SEMA5B: variants seen among roughly 807,000 people sequenced by gnomAD.
The protein encoded by SEMA5B is semaphorin 5B, also known as semaphorin-5B.
In SEMA5B, 66 loss-of-function variants were observed where a neutral mutation model predicts 135.0. That is an observed-to-expected ratio of 0.49 (90% CI 0.40 to 0.60). The LOEUF (loss-of-function observed/expected upper bound fraction) is 0.60, where lower values mean the gene tolerates loss of function less well. Ranked by LOEUF, SEMA5B falls within the 20% of genes least tolerant of loss-of-function variation. The probability of loss-of-function intolerance (pLI) is 0.00; values close to 1 mark genes in which losing one functional copy is unlikely to be tolerated. For synonymous variants in SEMA5B, 690 were observed against 639.5 expected (o/e 1.08, Z -1.19); for missense variants, 1,501 against 1,566.3 (o/e 0.96, Z 0.70).
intron 5 of SEMA5B, among the ~76,000 whole-genome samples, chr3:122,932,148 A>AATT (rs1270215969): frequency 1.3e-5 from 2 of 151,300 alleles, no homozygotes. Context: ...TGGACTGAAT[A>AATT]ATTGTCTTGA....
intron 1 of SEMA5B, among the ~76,000 whole-genome samples, chr3:123,010,940 C>T (rs1470606072): frequency 1.3e-5 from 2 of 151,974 alleles, no homozygotes; most frequent in Non-Finnish European, 2.9e-5. Flanking sequence ...TCAGGCTGAA[C>T]ATGTGGGCTG....
chr3:122,915,704 T>G, intron 13 of SEMA5B, 69 bp downstream of exon 13: 2 of 1,602,622 alleles, frequency 1.2e-6, no homozygotes, highest in Non-Finnish European at 1.7e-6. Flanking sequence ...ATTGGGGGAA[T>G]ATTGGTGGGG....
In SEMA5B at chr3:122,910,884, C is replaced by T. The variant is rs372894044; in HGVS notation, c.3253G>A (p.Gly1085Arg). The T allele has an allele frequency of 1.4e-4, 227 of 1,613,122 alleles. No individual in the cohort carries two copies. Among genetic ancestry groups the T allele is most frequent in the South Asian group, 1.3e-3 (122 of 91,026 alleles). Residue 1085 changes from glycine (G) to arginine (R), a missense_variant, in exon 22 of 23, where the codon GGA becomes AGA. By Grantham distance (125) the Gly-to-Arg change is moderately radical. Around this residue, in one of 2 missense-constraint regions of SEMA5B, gnomAD observed 927 missense variants for 881.6 expected, o/e 1.05. Coordinates refer to ENST00000357599, the MANE Select transcript of SEMA5B (RefSeq NM_001031702.4). ...ATPNHLHYKG[G>R]GTPKNEKYTP... ...TACTTTTCATTCTTCGGGGTGCCTC[C>T]GCCCTTGTAGTGCAAATGGTTGGGG...
chr3:122,989,779 C>T (rs757433786), intron 1 of SEMA5B, among the ~76,000 whole-genome samples: 1 of 152,182 alleles, frequency 6.6e-6, no homozygotes, highest in Non-Finnish European at 1.5e-5. Context: ...CTCCAATGTC[C>T]GTTGAGCTTT....
intron 13 of SEMA5B, 35 bp from the exon 14 acceptor site, chr3:122,915,656 C>A: frequency 6.2e-7 from 1 of 1,601,682 alleles, no homozygotes; most frequent in South Asian, 1.1e-5. Context: ...ACCCCTATTA[C>A]CCAAGCCAAG....
At chr3:122,976,288 T>C (rs1941318048) in intron 1 of SEMA5B, among the ~76,000 whole-genome samples, 2 of 152,058 alleles carry the variant, frequency 1.3e-5, no homozygotes, top group African/African-American at 2.4e-5. Context: ...GATCAGAAAG[T>C]CTGGGGGCAG....
intron 1 of SEMA5B, among the ~76,000 whole-genome samples, chr3:122,992,153 C>A (rs1319733959): frequency 1.3e-5 from 2 of 152,186 alleles, no homozygotes; most frequent in African/African-American, 4.8e-5. Flanking sequence ...TCATTTTGTG[C>A]ACGTTCTAAG....
At chr3:122,911,133 A>G (rs1359256733) in intron 21 of SEMA5B, 88 bp from the exon 22 acceptor site, 1 of 1,236,950 alleles carries the variant, frequency 8.1e-7, no homozygotes, top group African/African-American at 1.5e-5. Flanking sequence ...AAACAGCAAC[A>G]GGAGGCTCTG....
At chr3:122,987,494 C>T (rs1941739800) in intron 1 of SEMA5B, among the ~76,000 whole-genome samples, 1 of 152,240 alleles carries the variant, frequency 6.6e-6, no homozygotes, top group Admixed American at 6.5e-5. Flanking sequence ...CTTGAATTAA[C>T]TCAGCAATGG....
intron 1 of SEMA5B, among the ~76,000 whole-genome samples, chr3:122,974,021 G>A (rs1022229742): frequency 3.3e-5 from 5 of 152,254 alleles, no homozygotes; most frequent in South Asian, 2.1e-4. Flanking sequence ...GCCGTTCCCC[G>A]AATGTACACC....
At chr3:122,966,564 T>TTATTATTATTATTAA (rs1940839537) in intron 1 of SEMA5B, among the ~76,000 whole-genome samples, 1 of 145,446 alleles carries the variant, frequency 6.9e-6, no homozygotes, top group Admixed American at 6.8e-5. Flanking sequence ...ATTATTATTA[T>TTATTATTATTATTAA]TATTTTTTGA....
chr3:122,992,472 C>T (rs886468776), intron 1 of SEMA5B, among the ~76,000 whole-genome samples: 2 of 152,132 alleles, frequency 1.3e-5, no homozygotes, highest in Non-Finnish European at 2.9e-5. Context: ...TGGGGCATTT[C>T]GGAGACACCA....
chr3:123,013,470 C>T (rs1208810202), intron 1 of SEMA5B, among the ~76,000 whole-genome samples: 3 of 152,152 alleles, frequency 2.0e-5, no homozygotes, highest in Non-Finnish European at 2.9e-5. Context: ...CATTCAATTC[C>T]CATGACAACC....
intron 1 of SEMA5B, among the ~76,000 whole-genome samples, chr3:122,997,511 A>C (rs1942049879): frequency 6.8e-6 from 1 of 147,852 alleles, no homozygotes; most frequent in Non-Finnish European, 1.5e-5. Context: ...GCTGGTCCCC[A>C]GGCCTCTCCC....
At chr3:122,997,962 G>T in intron 1 of SEMA5B, among the ~76,000 whole-genome samples, 1 of 152,064 alleles carries the variant, frequency 6.6e-6, no homozygotes, top group African/African-American at 2.4e-5. Flanking sequence ...CCCACTTTAG[G>T]GCATTCCCAG....
At chr3:122,929,976 G>A (rs17281161) in intron 5 of SEMA5B, among the ~76,000 whole-genome samples, 61,711 of 152,046 alleles carry the variant, frequency 0.41, 13,948 homozygotes, top group Non-Finnish European at 0.51. Flanking sequence ...CAGCCCTGGC[G>A]TGGCTCATTA....
At chr3:122,959,972 G>A (rs758796282) in intron 2 of SEMA5B, among the ~76,000 whole-genome samples, 2 of 152,296 alleles carry the variant, frequency 1.3e-5, no homozygotes, top group Admixed American at 6.5e-5. Flanking sequence ...GTCGCCAGAC[G>A]CAAATCAAGC....
intron 5 of SEMA5B, among the ~76,000 whole-genome samples, chr3:122,932,761 CTG>C (rs1045588481): frequency 1.3e-5 from 2 of 152,122 alleles, no homozygotes; most frequent in African/African-American, 2.4e-5. Context: ...CACCCTCTTG[CTG>C]TGTGTGTGTC....
intron 5 of SEMA5B, among the ~76,000 whole-genome samples, chr3:122,934,928 G>T (rs1939178909): frequency 6.6e-6 from 1 of 151,920 alleles, no homozygotes; most frequent in African/African-American, 2.4e-5. Flanking sequence ...AATATTTATG[G>T]ATGTTATGAT....
Sources: allele counts gnomAD v4.1 joint callset (sites outside exome capture counted in the v4.1 genomes callset), GRCh38; gene constraint gnomAD v4.1.1; regional missense constraint gnomAD v4.1.1; transcripts MANE v1.5; gene names NCBI Gene and HGNC (gene_info 2026-07-23, HGNC 2026-07-21).